Variants in VRK2 observed in about 807,000 individuals in gnomAD.
VRK2 encodes serine/threonine-protein kinase VRK2.
In VRK2, 60 loss-of-function variants were observed where a neutral mutation model predicts 57.6. The observed-to-expected ratio is 1.04, with a 90% CI of 0.85 to 1.29. The LOEUF is 1.29. VRK2 is among the 50% of genes most tolerant of loss of function. The pLI is 0.00. For missense variants in VRK2, 705 were observed against 588.1 expected, an observed-to-expected ratio of 1.20 and a Z score of -2.06; for synonymous variants, 231 against 199.2, an observed-to-expected ratio of 1.16 and a Z score of -1.35.
chr2:58,081,515 C>G (rs1306175077), intron 2 of VRK2, among the ~76,000 whole-genome samples: 4 of 150,458 alleles, frequency 2.7e-5, no homozygotes, highest in African/African-American at 9.8e-5. Context: ...TTTAGATGTT[C>G]TTTGTTATCT....
chr2:58,115,790 C>T (rs560245715), intron 7 of VRK2, among the ~76,000 whole-genome samples: 44 of 152,294 alleles, frequency 2.9e-4, no homozygotes, highest in Admixed American at 5.2e-4. Context: ...TGAAGCCTTG[C>T]GGCAGTACAG....
chr2:57,917,333 G>T (rs927799903), intron 1 of VRK2, among the ~76,000 whole-genome samples: 1 of 151,762 alleles, frequency 6.6e-6, no homozygotes, highest in Non-Finnish European at 1.5e-5. Flanking sequence ...ATGGGTGCTT[G>T]TGGTATAAAT....
At chr2:58,137,018 CTCA>C (rs1490974387) in intron 10 of VRK2, among the ~76,000 whole-genome samples, 16 of 126,358 alleles carry the variant, frequency 1.3e-4, no homozygotes, top group Non-Finnish European at 1.3e-4. Context: ...TTATATATAT[CTCA>C]TATGTGTATA....
intron 1 of VRK2, among the ~76,000 whole-genome samples, chr2:57,956,649 T>C (rs185095549): frequency 1.3e-5 from 2 of 152,286 alleles, no homozygotes; most frequent in East Asian, 3.9e-4. Flanking sequence ...GAACCATACT[T>C]AGTTCCAATT....
intron 7 of VRK2, among the ~76,000 whole-genome samples, chr2:58,108,971 G>A (rs1675153796): frequency 6.6e-6 from 1 of 152,150 alleles, no homozygotes; most frequent in African/African-American, 2.4e-5. Flanking sequence ...GGGTCATGAG[G>A]ATTAAATGAT....
chr2:58,157,137 C>G (rs1382172913), intron 12 of VRK2, among the ~76,000 whole-genome samples: 1 of 152,078 alleles, frequency 6.6e-6, no homozygotes. Context: ...TTTTAGATCC[C>G]TAAGTTATTT....
intron 2 of VRK2, among the ~76,000 whole-genome samples, chr2:58,058,714 C>T (rs1316229773): frequency 6.6e-6 from 1 of 151,904 alleles, no homozygotes; most frequent in African/African-American, 2.4e-5. Context: ...GTACTAAAAT[C>T]CTTCACTTAG....
intron 10 of VRK2, among the ~76,000 whole-genome samples, chr2:58,139,087 C>T (rs577375651): frequency 2.6e-5 from 4 of 152,166 alleles, no homozygotes; most frequent in East Asian, 1.9e-4. Context: ...ATCAAAAACA[C>T]GAGGCTGTGT....
Position 58,088,448 on chromosome 2 carries a change from T to G in VRK2, c.450+2T>G. ...GTCCTGCAATTAGGTATCCGAATGG[T>G]AAGAATTACTTATTTCGCATGCTCC... On this transcript the variant is annotated splice_donor_variant, in intron 6 of 12. Transcript: ENST00000340157. LOFTEE classifies it high-confidence loss of function. 1 of 1,593,574 alleles carries G rather than the reference T, an allele frequency of 6.3e-7. No homozygotes were observed. The highest frequency in any genetic ancestry group is 1.7e-5 in the Admixed American group (1 of 59,382).
At chr2:58,088,195 A>G (rs369410164) in intron 5 of VRK2, 146 bp from the exon 6 acceptor site, 92 of 630,026 alleles carry the variant, frequency 1.5e-4, no homozygotes, top group African/African-American at 7.3e-4. Flanking sequence ...TAGCAGAATT[A>G]TGAACGTGCA....
At chr2:58,137,052 T>A (rs1410675275) in intron 10 of VRK2, among the ~76,000 whole-genome samples, 2 of 127,302 alleles carry the variant, frequency 1.6e-5, no homozygotes, top group African/African-American at 6.1e-5. Flanking sequence ...ATAATATATA[T>A]GTGTATATAT....
At chr2:58,136,816 ATATATGTGTGTATATATATCATATATAT>A (rs1680110731) in intron 10 of VRK2, among the ~76,000 whole-genome samples, 1 of 132,958 alleles carries the variant, frequency 7.5e-6, no homozygotes, top group African/African-American at 2.7e-5. Context: ...TATATATATC[ATATATGTGTGTATATATATCATATATAT>A]TATATCATAT....
intron 1 of VRK2, among the ~76,000 whole-genome samples, chr2:57,939,203 T>C (rs902608157): frequency 6.6e-6 from 1 of 152,146 alleles, no homozygotes; most frequent in African/African-American, 2.4e-5. Context: ...TTACACCACT[T>C]TATTTAAGCC....
intron 10 of VRK2, among the ~76,000 whole-genome samples, chr2:58,137,054 T>C (rs1381162344): frequency 3.1e-5 from 4 of 127,012 alleles, no homozygotes; most frequent in African/African-American, 1.2e-4. Flanking sequence ...AATATATATG[T>C]GTATATATCA....
chr2:57,931,534 A>G (rs1670724330), intron 1 of VRK2, among the ~76,000 whole-genome samples: 1 of 152,182 alleles, frequency 6.6e-6, no homozygotes. Flanking sequence ...TATCAGGTAT[A>G]CGGTTTGCAA....
chr2:58,050,712 C>A (rs1675582035), intron 2 of VRK2, among the ~76,000 whole-genome samples: 1 of 152,186 alleles, frequency 6.6e-6, no homozygotes, highest in Non-Finnish European at 1.5e-5. Context: ...CTGTATGTAT[C>A]TATGTGTACA....
At chr2:58,113,292 A>G (rs1006395786) in intron 7 of VRK2, among the ~76,000 whole-genome samples, 1 of 150,520 alleles carries the variant, frequency 6.6e-6, no homozygotes, top group Admixed American at 6.6e-5. Context: ...TACCTGGGCA[A>G]CAGGAGCGAA....
At chr2:57,990,878 C>A (rs1293982322) in intron 1 of VRK2, among the ~76,000 whole-genome samples, 1 of 150,844 alleles carries the variant, frequency 6.6e-6, no homozygotes, top group Non-Finnish European at 1.5e-5. Context: ...CACACACACA[C>A]ACACACATGC....
chr2:58,126,086 TC>T (rs1347059714), intron 8 of VRK2, among the ~76,000 whole-genome samples: 2 of 151,906 alleles, frequency 1.3e-5, no homozygotes, highest in Non-Finnish European at 2.9e-5. Context: ...AATCTTTTTT[TC>T]AGTCCAACTA....
Sources: gnomAD v4.1 joint callset for allele counts (sites outside exome capture counted in the v4.1 genomes callset) on GRCh38, gnomAD v4.1.1 for gene constraint, MANE v1.5 for transcripts, NCBI Gene and HGNC (gene_info 2026-07-23, HGNC 2026-07-21) for gene names.